SESN3: variants seen among roughly 807,000 people sequenced by gnomAD.
SESN3 encodes sestrin 3.
In SESN3, 21 loss-of-function variants were observed where a neutral mutation model predicts 55.3. The observed-to-expected ratio is 0.38, with a 90% CI of 0.27 to 0.55. The LOEUF (loss-of-function observed/expected upper bound fraction) is 0.55. SESN3 is among the 20% of genes least tolerant of loss of function. SESN3 has a pLI of 0.76. For synonymous variants in SESN3, 181 were observed against 203.1 expected (o/e 0.89, Z 0.93); for missense variants, 408 against 604.3 (o/e 0.68, Z 3.41).
rs774881620 is a variant in SESN3, at chr11:95,175,653, TACA to T, written c.1248-14_1248-12del. ...TCATAGTCATCATACCTACGAGCAA[TACA>T]ACAATAGCTTTATAATGACAAAATC... On this transcript the variant is annotated splice_polypyrimidine_tract_variant and intron_variant, in intron 8 of 9. Coordinates refer to ENST00000536441, the MANE Select transcript of SESN3 (RefSeq NM_144665.4). 13 of 1,604,512 alleles carry T rather than the reference TACA, an allele frequency of 8.1e-6. No individual in the cohort carries two copies. Among genetic ancestry groups the T allele is most frequent in the South Asian group, 1.1e-5 (1 of 90,502 alleles).
At position 95,230,698 on chromosome 11, in the gene SESN3, C is replaced by T. The variant is rs1422629856; in HGVS notation, c.78+85G>A. The stretch of plus-strand genomic sequence containing the variant: ...GCCCGGGGATCCCTCTCAGCCTCCC[C>T]CAGTGCGCGCCCGGGGACGAGCCGC... On this transcript the variant is annotated intron_variant, in intron 1 of 9. Coordinates refer to ENST00000536441, the MANE Select transcript of SESN3 (RefSeq NM_144665.4). This position sits in a 1 kb window ranked among gnomAD's most constrained non-coding sequence, Gnocchi z 4.6. 5 of 971,068 alleles carry T rather than the reference C, an allele frequency of 5.1e-6. No individual in the cohort carries two copies. Among genetic ancestry groups the T allele is most frequent in the Non-Finnish European group, 4.7e-6 (3 of 634,262 alleles). 60.2% of individuals were successfully genotyped at this position (971,068 alleles called of 1,614,324 possible).
chr11:95,203,582 C>A (rs139369715), intron 1 of SESN3: 1 of 152,236 alleles, frequency 6.6e-6, no homozygotes, highest in African/African-American at 2.4e-5. Flanking sequence ...CAGATCTGAT[C>A]TGTATAGTAA....
intron 4 of SESN3, among the ~76,000 whole-genome samples, chr11:95,189,434 A>G (rs951596456): frequency 2.6e-5 from 4 of 151,980 alleles, no homozygotes; most frequent in African/African-American, 9.7e-5. Flanking sequence ...TAGAAGGGAG[A>G]ACAGAAGCCC....
Position 95,191,493 on chromosome 11 carries a change from A to C in SESN3, c.253T>G (p.Tyr85Asp), listed in dbSNP as rs1223432298. ...TGGCTCCGCAAGAAAGACTCCAGGT[A>C]CTGAGTGTGTAAACTCATGACCTGT... ...ITQVMSLHTQYLESFLRSQFY... is the reference protein window; with the variant it reads ...ITQVMSLHTQDLESFLRSQFY... The change falls in exon 3 of 10, where the codon TAC becomes GAC. Residue 85 changes from tyrosine to aspartate, a missense_variant. Tyr to Asp is a radical substitution (Grantham distance 160). Transcript: ENST00000536441. The C allele has an allele frequency of 6.2e-7, 1 of 1,612,740 alleles. No homozygotes were observed. Among genetic ancestry groups the C allele is most frequent in the Admixed American group, 1.7e-5 (1 of 59,854 alleles).
At chr11:95,196,017 G>A (rs974874277) in intron 1 of SESN3, among the ~76,000 whole-genome samples, 1 of 152,282 alleles carries the variant, frequency 6.6e-6, no homozygotes, top group Middle Eastern at 3.4e-3. Flanking sequence ...GTAGACCCTG[G>A]GCCTGAGAGG....
chr11:95,193,364 C>G (rs1324716807), intron 2 of SESN3, 93 bp downstream of exon 2: 6 of 764,834 alleles, frequency 7.8e-6, no homozygotes, highest in Non-Finnish European at 2.2e-6. Context: ...AAGCAAAATT[C>G]ATTCCTACTT....
chr11:95,211,800 T>C (rs1860660614), intron 1 of SESN3, among the ~76,000 whole-genome samples: 1 of 152,076 alleles, frequency 6.6e-6, no homozygotes, highest in Admixed American at 6.6e-5. Context: ...GTTATTAGAA[T>C]TATGCAATAC....
At position 95,193,065 on chromosome 11, in the gene SESN3, G is replaced by T. The variant is rs553360920; in HGVS notation, c.144+392C>A. Among the ~76,000 whole-genome samples, 4 of 152,114 alleles carry T rather than the reference G, an allele frequency of 2.6e-5. No homozygotes were observed. In the South Asian group the frequency reaches 8.3e-4, roughly 32 times the overall value. ...AGCCCCAGGCTATCTGAGGAAAATA[G>T]GCATAAGCAGGATAGCTTCTCCAGT... On this transcript the variant is annotated intron_variant, in intron 2 of 9. Transcript: ENST00000536441.
intron 1 of SESN3, among the ~76,000 whole-genome samples, chr11:95,198,345 C>CAA (rs199529391): frequency 6.3e-5 from 8 of 126,264 alleles, no homozygotes; most frequent in South Asian, 2.5e-4. Context: ...TCCTCAATGT[C>CAA]AAAAAAAAAA....
rs1859861850 is a variant in SESN3, at chr11:95,172,123, G to A, written c.*1132C>T. ...GGACACTTTTGCAGTGATATGACAGGGGGAAAGTTTAGTTGAGTATTTTTT... is the reference window on the plus strand; with the variant it reads ...GGACACTTTTGCAGTGATATGACAGAGGGAAAGTTTAGTTGAGTATTTTTT... On this transcript the variant is annotated 3_prime_UTR_variant, in exon 10 of 10. Transcript: ENST00000536441. 6.6e-6 allele frequency: 1 copy of A among 152,232 alleles called. No individual in the cohort carries two copies. The highest frequency in any genetic ancestry group is 3.4e-3 in the Middle Eastern group (1 of 294). 9.4% of individuals were successfully genotyped at this position (152,232 alleles called of 1,614,324 possible).
chr11:95,204,489 C>G (rs1051696268), intron 1 of SESN3, among the ~76,000 whole-genome samples: 2 of 151,790 alleles, frequency 1.3e-5, no homozygotes, highest in African/African-American at 4.9e-5. Flanking sequence ...TGTCCCCCCC[C>G]TCAAAATTCG....
At chr11:95,192,902 G>T (rs1860294172) in intron 2 of SESN3, among the ~76,000 whole-genome samples, 1 of 152,138 alleles carries the variant, frequency 6.6e-6, no homozygotes, top group Non-Finnish European at 1.5e-5. Context: ...GCATAAGTTT[G>T]TTCTAACTGG....
At position 95,191,480 on chromosome 11, in the gene SESN3, A is replaced by G; in HGVS notation, c.266T>C (p.Phe89Ser). Reference sequence around the variant, plus strand: ...CAACATGTAAAACTGGCTCCGCAAGAAAGACTCCAGGTACTGAGTGTGTAA... The same window carrying G: ...CAACATGTAAAACTGGCTCCGCAAGGAAGACTCCAGGTACTGAGTGTGTAA... ...MSLHTQYLES[F>S]LRSQFYMLRM... Residue 89 changes from phenylalanine (F) to serine (S), a missense_variant, in exon 3 of 10, where the codon TTC (phenylalanine) becomes TCC (serine). By Grantham distance (155) the Phe-to-Ser change is radical (BLOSUM62 -2). Around this residue, in one of 4 missense-constraint regions of SESN3, gnomAD observed 107 missense variants for 211.3 expected, o/e 0.51. Coordinates refer to ENST00000536441, the MANE Select transcript of SESN3 (RefSeq NM_144665.4). The G allele has an allele frequency of 6.2e-7, 1 of 1,613,104 alleles. No homozygotes were observed. The highest frequency in any genetic ancestry group is 8.5e-7 in the Non-Finnish European group (1 of 1,179,344).
chr11:95,175,044 T>G (rs1051235880), intron 9 of SESN3, among the ~76,000 whole-genome samples: 4 of 152,140 alleles, frequency 2.6e-5, no homozygotes, highest in Admixed American at 2.6e-4. Context: ...TTCGAGATTC[T>G]TTAACCACTA....
chr11:95,188,873 A>G (rs1168707056), intron 4 of SESN3, among the ~76,000 whole-genome samples: 1 of 151,940 alleles, frequency 6.6e-6, no homozygotes, highest in Non-Finnish European at 1.5e-5. Flanking sequence ...GACATTAAAA[A>G]CAATGATTAA....
intron 1 of SESN3, among the ~76,000 whole-genome samples, chr11:95,227,343 C>T (rs1860965807): frequency 6.6e-6 from 1 of 152,000 alleles, no homozygotes; most frequent in African/African-American, 2.4e-5. Flanking sequence ...GTAACTGGGA[C>T]TACAGGCACA....
intron 1 of SESN3, among the ~76,000 whole-genome samples, chr11:95,208,832 T>G (rs952723411): frequency 6.6e-6 from 1 of 151,556 alleles, no homozygotes; most frequent in African/African-American, 2.4e-5. Context: ...GGATTCCCTA[T>G]TTAATAAATG....
At chr11:95,207,428 T>C (rs1362261854) in intron 1 of SESN3, among the ~76,000 whole-genome samples, 1 of 151,472 alleles carries the variant, frequency 6.6e-6, no homozygotes, top group Admixed American at 6.6e-5. Flanking sequence ...ATCAGAGCTT[T>C]GATCATTTTT....
At chr11:95,218,718 T>C (rs1860806156) in intron 1 of SESN3, among the ~76,000 whole-genome samples, 1 of 147,574 alleles carries the variant, frequency 6.8e-6, no homozygotes, top group South Asian at 2.2e-4. Flanking sequence ...TGGCGCGATC[T>C]CAGCTTACTG....
Sources: allele counts gnomAD v4.1 joint callset (sites outside exome capture counted in the v4.1 genomes callset), GRCh38; gene constraint gnomAD v4.1.1; regional missense constraint gnomAD v4.1.1; non-coding constraint Gnocchi (gnomAD v3.1); transcripts MANE v1.5; gene names NCBI Gene and HGNC (gene_info 2026-07-23, HGNC 2026-07-21).